Variants in PEX14 observed in about 807,000 individuals in gnomAD.
PEX14 encodes the protein peroxisomal biogenesis factor 14.
Under a neutral mutation model 49.5 loss-of-function variants are expected in PEX14, and 15 were observed. That is an observed-to-expected ratio of 0.30 (90% CI 0.20 to 0.47). The LOEUF (loss-of-function observed/expected upper bound fraction) is 0.47, where lower values mean the gene tolerates loss of function less well. PEX14 is among the 20% of genes least tolerant of loss of function. The probability of loss-of-function intolerance (pLI) is 1.00; values close to 1 mark genes in which losing one functional copy is unlikely to be tolerated. For missense variants in PEX14, 398 were observed against 494.8 expected, an observed-to-expected ratio of 0.80 and a Z score of 1.86; for synonymous variants, 210 against 212.7, an observed-to-expected ratio of 0.99 and a Z score of 0.11.
intron 2 of PEX14, among the ~76,000 whole-genome samples, chr1:10,534,463 C>G (rs1019684775): frequency 1.3e-5 from 2 of 152,100 alleles, no homozygotes; most frequent in African/African-American, 4.8e-5. Flanking sequence ...CTACCCATCC[C>G]CTTTTCTTTT....
intron 2 of PEX14, among the ~76,000 whole-genome samples, chr1:10,533,019 A>G (rs1332750434): frequency 6.6e-6 from 1 of 152,132 alleles, no homozygotes; most frequent in Non-Finnish European, 1.5e-5. Flanking sequence ...AAAATTCTAG[A>G]TTGGACAGGT....
chr1:10,544,350 A>AATCTATGT (rs1172478664), intron 3 of PEX14, among the ~76,000 whole-genome samples: 2 of 152,332 alleles, frequency 1.3e-5, no homozygotes, highest in South Asian at 2.1e-4. Context: ...GTAGAACTAG[A>AATCTATGT]ATCTATGTCT....
intron 7 of PEX14, among the ~76,000 whole-genome samples, chr1:10,625,909 C>T (rs978336284): frequency 6.6e-6 from 1 of 152,216 alleles, no homozygotes; most frequent in African/African-American, 2.4e-5. Context: ...TGGCCCACCC[C>T]AGCCTTCTCT....
intron 1 of PEX14, among the ~76,000 whole-genome samples, chr1:10,477,133 C>T (rs886523311): frequency 4.0e-5 from 6 of 151,480 alleles, no homozygotes; most frequent in South Asian, 2.1e-4. Flanking sequence ...TGCAGTGGCG[C>T]GATCTCTGCT....
intron 3 of PEX14, among the ~76,000 whole-genome samples, chr1:10,584,962 A>G (rs1335237159): frequency 1.3e-5 from 2 of 152,210 alleles, no homozygotes; most frequent in Non-Finnish European, 2.9e-5. Flanking sequence ...CAGTACACAA[A>G]AGGAGGGGTG....
At chr1:10,479,475 T>G (rs983599407) in intron 1 of PEX14, among the ~76,000 whole-genome samples, 3 of 152,204 alleles carry the variant, frequency 2.0e-5, no homozygotes, top group African/African-American at 7.2e-5. Flanking sequence ...AAGTCCTTTC[T>G]AGTGTGTACA....
Position 10,599,367 on chromosome 1 carries a change from G to A in PEX14, c.298+1G>A. On this transcript the variant is annotated splice_donor_variant, in intron 4 of 8. Coordinates refer to ENST00000356607, the MANE Select transcript of PEX14 (RefSeq NM_004565.3). LOFTEE classifies it high-confidence loss of function. ...CCTCACCTCATATCTCAGCCATACA[G>A]TAAGTCACCCGCTCAAACTCCTGCT... 1 of 1,614,166 alleles carries A rather than the reference G, an allele frequency of 6.2e-7. No homozygotes were observed. The highest frequency in any genetic ancestry group is 8.5e-7 in the Non-Finnish European group (1 of 1,180,016).
chr1:10,598,291 C>G (rs72857079), intron 3 of PEX14, among the ~76,000 whole-genome samples: 1 of 152,180 alleles, frequency 6.6e-6, no homozygotes, highest in African/African-American at 2.4e-5. Flanking sequence ...CCCGTGTGAC[C>G]GCTCCTTTCA....
chr1:10,526,453 A>C (rs1308380047), intron 2 of PEX14, among the ~76,000 whole-genome samples: 1 of 152,006 alleles, frequency 6.6e-6, no homozygotes, highest in Non-Finnish European at 1.5e-5. Flanking sequence ...TCCTGATCTC[A>C]GGTCATCTGC....
At chr1:10,624,547 A>G in intron 7 of PEX14, 110 bp downstream of exon 7, 1 of 762,284 alleles carries the variant, frequency 1.3e-6, no homozygotes, top group Non-Finnish European at 2.4e-6. Flanking sequence ...ACTTTGCCCC[A>G]GTCTCACAGT....
Position 10,618,328 on chromosome 1 carries a change from G to A in PEX14, c.299-4G>A, listed in dbSNP as rs1641488997. ...TCTAACCCTCCTCCTCTTCCCGCCTGTAGGTCCCGCAGGCTCCCGATGGCG... is the reference window on the plus strand; with the variant it reads ...TCTAACCCTCCTCCTCTTCCCGCCTATAGGTCCCGCAGGCTCCCGATGGCG... On this transcript the variant is annotated splice_polypyrimidine_tract_variant and splice_region_variant and intron_variant, in intron 4 of 8. Coordinates refer to ENST00000356607, the MANE Select transcript of PEX14 (RefSeq NM_004565.3). 2 of 1,613,476 alleles carry A rather than the reference G, an allele frequency of 1.2e-6. No individual in the cohort carries two copies. The highest frequency in any genetic ancestry group is 1.7e-6 in the Non-Finnish European group (2 of 1,179,636).
intron 2 of PEX14, among the ~76,000 whole-genome samples, chr1:10,511,527 G>A (rs1367579488): frequency 6.6e-6 from 1 of 152,138 alleles, no homozygotes; most frequent in East Asian, 1.9e-4. Flanking sequence ...ATTTTCCTAG[G>A]AAAGTCTGCC....
At chr1:10,575,385 A>C (rs1640091768) in intron 3 of PEX14, among the ~76,000 whole-genome samples, 1 of 152,232 alleles carries the variant, frequency 6.6e-6, no homozygotes, top group Admixed American at 6.5e-5. Flanking sequence ...AATAGATAAC[A>C]GTAAACTTGT....
Position 10,495,636 on chromosome 1 carries a change from G to A in PEX14, c.84+315G>A, listed in dbSNP as rs149009475. Among the ~76,000 whole-genome samples the A allele has an allele frequency of 1.1e-4, 16 of 152,306 alleles. No homozygotes were observed. The highest frequency in any genetic ancestry group is 3.6e-4 in the African/African-American group (15 of 41,566). ...CCGTGGGAGGCTGAGGTGGAGTGAG[G>A]TGGCTGGGCTTCTAGATTGTTTGAA... is the stretch of plus-strand genomic sequence containing the variant. On this transcript the variant is annotated intron_variant, in intron 2 of 8. Transcript: ENST00000356607. This position sits in a 1 kb window ranked among gnomAD's most constrained non-coding sequence, Gnocchi z 4.2.
chr1:10,594,808 C>T (rs1035853136), intron 3 of PEX14, among the ~76,000 whole-genome samples: 1 of 95,470 alleles, frequency 1.0e-5, no homozygotes. Context: ...GGAAAGGACC[C>T]TAGGGCATCA....
At chr1:10,598,031 T>C (rs1469958134) in intron 3 of PEX14, among the ~76,000 whole-genome samples, 4 of 152,246 alleles carry the variant, frequency 2.6e-5, no homozygotes, top group Non-Finnish European at 5.9e-5. Context: ...AACCTCCTTG[T>C]ACTTCATCTA....
intron 3 of PEX14, among the ~76,000 whole-genome samples, chr1:10,537,342 C>A (rs367860071): frequency 7.2e-4 from 13 of 18,112 alleles, no homozygotes; most frequent in African/African-American, 1.3e-3. Context: ...TGTGCCAGCA[C>A]CCCCCCCCCC....
At chr1:10,503,281 C>CAAAAAAAAAAAAAAAAAAAAAAAAAA (rs59342388) in intron 2 of PEX14, among the ~76,000 whole-genome samples, 1 of 75,490 alleles carries the variant, frequency 1.3e-5, no homozygotes, top group African/African-American at 5.8e-5. Flanking sequence ...GACTCTGTCT[C>CAAAAAAAAAAAAAAAAAAAAAAAAAA]AAAAAAAAAA....
chr1:10,502,839 C>G (rs1411043247), intron 2 of PEX14, among the ~76,000 whole-genome samples: 2 of 148,838 alleles, frequency 1.3e-5, no homozygotes, highest in African/African-American at 5.0e-5. Context: ...CTCTGTCACT[C>G]AGGCTGGAGT....
Sources: allele counts gnomAD v4.1 joint callset (sites outside exome capture counted in the v4.1 genomes callset), GRCh38; gene constraint gnomAD v4.1.1; non-coding constraint Gnocchi (gnomAD v3.1); transcripts MANE v1.5; gene names NCBI Gene and HGNC (gene_info 2026-07-23, HGNC 2026-07-21).